The following UBE2E3 variants were observed in gnomAD, a reference collection of about 807,000 sequenced individuals.
UBE2E3 encodes ubiquitin-conjugating enzyme E2 E3.
In UBE2E3, 5 loss-of-function variants were observed where a neutral mutation model predicts 23.6. That is an observed-to-expected ratio of 0.21 (90% CI 0.11 to 0.44). UBE2E3 has a LOEUF of 0.44. Ranked by LOEUF, UBE2E3 falls within the 20% of genes least tolerant of loss-of-function variation. UBE2E3 has a pLI of 0.99. For synonymous variants in UBE2E3, 78 were observed against 87.5 expected (o/e 0.89, Z 0.60); for missense variants, 81 against 249.8 (o/e 0.32, Z 4.55).
At chr2:181,051,768 G>A (rs1393199113) in intron 3 of UBE2E3, among the ~76,000 whole-genome samples, 1 of 151,776 alleles carries the variant, frequency 6.6e-6, no homozygotes, top group Non-Finnish European at 1.5e-5. Context: ...AAAATACTTA[G>A]TCCAACCTAA....
At chr2:180,987,696 C>T (rs1031763871) in intron 3 of UBE2E3, among the ~76,000 whole-genome samples, 1 of 151,794 alleles carries the variant, frequency 6.6e-6, no homozygotes, top group Non-Finnish European at 1.5e-5. Context: ...GTTTCTAAAC[C>T]AGTAGTTGAT....
At chr2:181,045,898 T>C (rs1451541509) in intron 3 of UBE2E3, among the ~76,000 whole-genome samples, 1 of 151,996 alleles carries the variant, frequency 6.6e-6, no homozygotes, top group Admixed American at 6.6e-5. Context: ...AAGACAACAA[T>C]CAATTTGTTA....
At chr2:181,046,419 T>TA (rs1337370645) in intron 3 of UBE2E3, among the ~76,000 whole-genome samples, 2 of 152,116 alleles carry the variant, frequency 1.3e-5, no homozygotes, top group Non-Finnish European at 2.9e-5. Flanking sequence ...CAGGTGCTGT[T>TA]AGAGTCTGTG....
At chr2:180,987,459 G>T in intron 3 of UBE2E3, 2 of 1,508,680 alleles carry the variant, frequency 1.3e-6, no homozygotes, top group East Asian at 2.5e-5. Context: ...ATATACTGAC[G>T]AATATTTTAA....
chr2:180,986,377 G>A (rs778871349), intron 3 of UBE2E3, among the ~76,000 whole-genome samples: 32 of 152,044 alleles, frequency 2.1e-4, no homozygotes, highest in Admixed American at 2.6e-4. Context: ...AATTCTTGTG[G>A]GTGGAAGAAG....
intron 3 of UBE2E3, among the ~76,000 whole-genome samples, chr2:181,016,824 A>G (rs1252287988): frequency 1.3e-5 from 2 of 152,240 alleles, no homozygotes; most frequent in African/African-American, 2.4e-5. Context: ...AAAAATTGGT[A>G]TGAAAGTCTG....
In UBE2E3 at chr2:180,982,233, A is replaced by G. The variant is rs576895615; in HGVS notation, c.191A>G (p.Lys64Arg). The G allele has an allele frequency of 6.2e-7, 1 of 1,612,056 alleles. No individual in the cohort carries two copies. The highest frequency in any genetic ancestry group is 2.2e-5 in the East Asian group (1 of 44,866). The change falls in exon 2 of 6, where the codon AAA becomes AGA. Residue 64 changes from lysine (K) to arginine (R), a missense_variant. By Grantham distance (26) the Lys-to-Arg change is conservative. Transcript: ENST00000410062. The part of the protein sequence containing the change: ...KTTAKLSTSA[K>R]RIQKELAEIT... ...ACTGCTAAGTTATCCACTAGTGCTA[A>G]AAGGTAATGTGTAAAAGAAGGATCC...
chr2:181,045,769 A>G (rs972835565), intron 3 of UBE2E3, among the ~76,000 whole-genome samples: 9 of 152,114 alleles, frequency 5.9e-5, no homozygotes, highest in Non-Finnish European at 8.8e-5. Flanking sequence ...TATTAGAATA[A>G]CCTGGGAGAT....
intron 3 of UBE2E3, among the ~76,000 whole-genome samples, chr2:181,028,171 A>G (rs1323382923): frequency 1.3e-5 from 2 of 152,106 alleles, no homozygotes; most frequent in Non-Finnish European, 2.9e-5. Context: ...CTATTAATGT[A>G]ATTATTATAA....
At position 180,980,665 on chromosome 2, in the gene UBE2E3, A is replaced by G. The variant is rs1242740766; in HGVS notation, c.-334A>G. The G allele has an allele frequency of 2.1e-5, 3 of 142,974 alleles. No individual in the cohort carries two copies. Among genetic ancestry groups the G allele is most frequent in the Non-Finnish European group, 4.6e-5 (3 of 64,842 alleles). The allele number at this position is 142,974 out of a possible 1,614,324, so 8.9% of individuals were successfully genotyped here. A position where few individuals can be genotyped will look rare whatever the true frequency, so the allele number is the denominator to read the frequency against. On this transcript the variant is annotated 5_prime_UTR_variant, in exon 1 of 6. Coordinates refer to ENST00000410062, the MANE Select transcript of UBE2E3 (RefSeq NM_006357.4). This position sits in a 1 kb window ranked among gnomAD's most constrained non-coding sequence, Gnocchi z 5.5. ...CCGGGCGGCGGCGGCGGGAGGCTAC[A>G]GCGCGCGGGGGTCTCCCGCGTCCCC...
intron 3 of UBE2E3, among the ~76,000 whole-genome samples, chr2:181,029,581 C>T (rs1489716388): frequency 1.3e-5 from 2 of 150,642 alleles, no homozygotes; most frequent in African/African-American, 4.9e-5. Flanking sequence ...TTTTATCTAG[C>T]AACCTTGTAT....
intron 3 of UBE2E3, among the ~76,000 whole-genome samples, chr2:181,030,102 G>C (rs951696645): frequency 6.6e-5 from 10 of 152,014 alleles, no homozygotes; most frequent in Non-Finnish European, 8.8e-5. Context: ...AAAGTGCTGC[G>C]ATTACAGGTG....
At chr2:181,010,187 C>A (rs1035748721) in intron 3 of UBE2E3, among the ~76,000 whole-genome samples, 2 of 152,038 alleles carry the variant, frequency 1.3e-5, no homozygotes, top group African/African-American at 4.8e-5. Context: ...TTTGTACTAG[C>A]TTTATTATTT....
intron 5 of UBE2E3, among the ~76,000 whole-genome samples, chr2:181,061,546 C>A (rs988609264): frequency 6.6e-6 from 1 of 151,542 alleles, no homozygotes; most frequent in Non-Finnish European, 1.5e-5. Context: ...GTTCTCCCTT[C>A]CTTTTTTAAT....
At chr2:181,018,043 G>GT (rs1201942327) in intron 3 of UBE2E3, among the ~76,000 whole-genome samples, 1 of 151,552 alleles carries the variant, frequency 6.6e-6, no homozygotes, top group Non-Finnish European at 1.5e-5. Flanking sequence ...TGTTTTCGTT[G>GT]TATTTTTAAC....
chr2:181,037,260 CTGTACTTTTTAT>C (rs1235968275), intron 3 of UBE2E3, among the ~76,000 whole-genome samples: 1 of 152,132 alleles, frequency 6.6e-6, no homozygotes, highest in Admixed American at 6.5e-5. Context: ...TATGTATTTA[CTGTACTTTTTAT>C]TGTTATTTTA....
At chr2:181,030,254 G>A (rs1686034686) in intron 3 of UBE2E3, among the ~76,000 whole-genome samples, 1 of 151,750 alleles carries the variant, frequency 6.6e-6, no homozygotes, top group Non-Finnish European at 1.5e-5. Context: ...ATAATCATAT[G>A]GTTTTGCTTT....
chr2:181,062,466 C>G (rs1057097597), intron 5 of UBE2E3, among the ~76,000 whole-genome samples: 9 of 151,436 alleles, frequency 5.9e-5, no homozygotes, highest in African/African-American at 2.2e-4. Context: ...AGAAATATAA[C>G]CACCTAGTAT....
Position 181,024,924 on chromosome 2 carries a change from T to A in UBE2E3, c.246-32769T>A, listed in dbSNP as rs976371376. Among the ~76,000 whole-genome samples the A allele has an allele frequency of 9.9e-5, 15 of 152,006 alleles. 1 individual carries two copies. The highest frequency in any genetic ancestry group is 1.6e-4 in the Non-Finnish European group (11 of 67,898). On this transcript the variant is annotated intron_variant, in intron 3 of 5. Coordinates refer to ENST00000410062, the MANE Select transcript of UBE2E3 (RefSeq NM_006357.4). ...ATTTCCCATGTATTACTATACTGCTTCACATCAGCTCTATTAATAAAAGTA... is the reference window on the plus strand; with the variant it reads ...ATTTCCCATGTATTACTATACTGCTACACATCAGCTCTATTAATAAAAGTA...
Sources: allele counts gnomAD v4.1 joint callset (sites outside exome capture counted in the v4.1 genomes callset), GRCh38; gene constraint gnomAD v4.1.1; non-coding constraint Gnocchi (gnomAD v3.1); transcripts MANE v1.5; gene names NCBI Gene and HGNC (gene_info 2026-07-23, HGNC 2026-07-21).